Variants in MICU3 observed in about 807,000 individuals in gnomAD.
MICU3 encodes mitochondrial calcium uptake 3.
Under a neutral mutation model 66.5 loss-of-function variants are expected in MICU3, and 62 were observed. That is an observed-to-expected ratio of 0.93 (90% CI 0.76 to 1.15). MICU3 has a LOEUF of 1.15. MICU3 is among the 50% of genes most tolerant of loss of function. The pLI, the probability that MICU3 is intolerant of heterozygous loss-of-function variation, is 0.00. For synonymous variants in MICU3, 308 were observed against 240.7 expected (o/e 1.28, Z -2.59); for missense variants, 779 against 664.4 (o/e 1.17, Z -1.90).
intron 6 of MICU3, among the ~76,000 whole-genome samples, chr8:17,085,973 A>AT (rs1010739093): frequency 2.0e-5 from 3 of 151,630 alleles, no homozygotes; most frequent in African/African-American, 2.4e-5. Context: ...TGCCTAGTAT[A>AT]TTTTTTTTCT....
At chr8:17,063,493 C>G (rs1412629095) in intron 1 of MICU3, among the ~76,000 whole-genome samples, 1 of 152,036 alleles carries the variant, frequency 6.6e-6, no homozygotes, top group Non-Finnish European at 1.5e-5. Context: ...GGAATATTAT[C>G]TACAAGGAAA....
chr8:17,069,166 C>T (rs992252431), intron 2 of MICU3, among the ~76,000 whole-genome samples: 1 of 151,994 alleles, frequency 6.6e-6, no homozygotes, highest in African/African-American at 2.4e-5. Context: ...ACAAGTTTCC[C>T]CATCACTTTG....
chr8:17,056,782 AG>A (rs1430176399), intron 1 of MICU3, among the ~76,000 whole-genome samples: 1 of 152,220 alleles, frequency 6.6e-6, no homozygotes. Context: ...GTGTGGCAGC[AG>A]AAGTTTTCTG....
At chr8:17,082,680 T>C (rs1164217819) in intron 5 of MICU3, among the ~76,000 whole-genome samples, 1 of 152,160 alleles carries the variant, frequency 6.6e-6, no homozygotes, top group Non-Finnish European at 1.5e-5. Flanking sequence ...TAGTGGAATT[T>C]CCAGTTGTGG....
At chr8:17,098,945 C>T (rs1228261305) in intron 9 of MICU3, among the ~76,000 whole-genome samples, 1 of 151,586 alleles carries the variant, frequency 6.6e-6, no homozygotes, top group East Asian at 1.9e-4. Context: ...GAGTGGCTTA[C>T]CAAGGGCCTG....
At chr8:17,091,747 C>T (rs1461824750) in intron 8 of MICU3, among the ~76,000 whole-genome samples, 1 of 152,052 alleles carries the variant, frequency 6.6e-6, no homozygotes, top group Admixed American at 6.6e-5. Context: ...TAAAGCCTGT[C>T]ATTTCCTTTA....
chr8:17,067,739 C>T (rs1818939419), intron 2 of MICU3, among the ~76,000 whole-genome samples: 4 of 152,114 alleles, frequency 2.6e-5, no homozygotes, highest in Admixed American at 1.3e-4. Context: ...ATGCCCAGCC[C>T]ATAGCTGTGA....
At chr8:17,105,710 T>A in intron 11 of MICU3, 126 bp downstream of exon 11, 1 of 498,158 alleles carries the variant, frequency 2.0e-6, no homozygotes, top group Non-Finnish European at 3.5e-6. Context: ...TGTGTTTCAT[T>A]CTGTGTCCTA....
intron 1 of MICU3, among the ~76,000 whole-genome samples, chr8:17,052,467 G>A (rs1056561678): frequency 2.6e-5 from 4 of 152,000 alleles, no homozygotes; most frequent in Non-Finnish European, 5.9e-5. Context: ...CTATCTTACT[G>A]TGTTTGTACT....
At chr8:17,106,310 T>G (rs2150815600) in intron 11 of MICU3, among the ~76,000 whole-genome samples, 1 of 151,586 alleles carries the variant, frequency 6.6e-6, no homozygotes, top group African/African-American at 2.4e-5. Flanking sequence ...GGATACACTG[T>G]GACAATGTTA....
chr8:17,033,372 T>C (rs1310655865), intron 1 of MICU3, among the ~76,000 whole-genome samples: 1 of 152,184 alleles, frequency 6.6e-6, no homozygotes, highest in Non-Finnish European at 1.5e-5. Flanking sequence ...TAGTGGTCTA[T>C]GTAGAAGACC....
chr8:17,086,564 G>C (rs1397432553), intron 6 of MICU3, among the ~76,000 whole-genome samples: 1 of 152,064 alleles, frequency 6.6e-6, no homozygotes, highest in Non-Finnish European at 1.5e-5. Context: ...GCTTTCTTAT[G>C]ATGGTACACA....
chr8:17,028,410 A>G (rs147169557), intron 1 of MICU3, among the ~76,000 whole-genome samples: 1 of 152,328 alleles, frequency 6.6e-6, no homozygotes, highest in African/African-American at 2.4e-5. Context: ...AATACAAGGT[A>G]AAGATGTGTG....
downstream of MICU3, among the ~76,000 whole-genome samples, chr8:17,127,277 C>T (rs933920033): frequency 8.6e-5 from 13 of 152,008 alleles, no homozygotes; most frequent in African/African-American, 2.7e-4. Context: ...TCTTATGTAC[C>T]ATTTGTGCTG....
intron 1 of MICU3, among the ~76,000 whole-genome samples, chr8:17,063,324 C>G (rs1818162306): frequency 6.6e-6 from 1 of 152,196 alleles, no homozygotes; most frequent in African/African-American, 2.4e-5. Flanking sequence ...TAAAATCCCA[C>G]TTTTTTGCCA....
At chr8:17,053,192 A>G (rs1272493940) in intron 1 of MICU3, among the ~76,000 whole-genome samples, 1 of 152,140 alleles carries the variant, frequency 6.6e-6, no homozygotes, top group Non-Finnish European at 1.5e-5. Context: ...AAGGTAAGGT[A>G]TTATGCAGAG....
intron 1 of MICU3, among the ~76,000 whole-genome samples, chr8:17,042,411 G>A (rs564408471): frequency 1.3e-5 from 2 of 152,288 alleles, no homozygotes; most frequent in Admixed American, 6.5e-5. Flanking sequence ...AAGCAAGCTC[G>A]ATTTATGGCA....
intron 11 of MICU3, among the ~76,000 whole-genome samples, chr8:17,108,749 A>T (rs920318394): frequency 6.6e-6 from 1 of 152,100 alleles, no homozygotes; most frequent in African/African-American, 2.4e-5. Flanking sequence ...CTGCATTTAG[A>T]ATTCACGGAA....
At chr8:17,044,162 G>C (rs2150539460) in intron 1 of MICU3, among the ~76,000 whole-genome samples, 1 of 152,332 alleles carries the variant, frequency 6.6e-6, no homozygotes, top group Non-Finnish European at 1.5e-5. Flanking sequence ...TAAAGCCGTA[G>C]ATTGGGTTGA....
Sources: gnomAD v4.1 joint callset for allele counts (sites outside exome capture counted in the v4.1 genomes callset) on GRCh38, gnomAD v4.1.1 for gene constraint, MANE v1.5 for transcripts, NCBI Gene and HGNC (gene_info 2026-07-23, HGNC 2026-07-21) for gene names.